HOXC5: variants seen among roughly 807,000 people sequenced by gnomAD.
The protein encoded by HOXC5 is homeobox protein Hox-C5.
A neutral mutation model predicts 20.1 loss-of-function variants in HOXC5; 19 were observed. That is an observed-to-expected ratio of 0.94 (90% CI 0.66 to 1.38). The LOEUF is 1.38. HOXC5 is among the 40% of genes most tolerant of loss of function. The probability of loss-of-function intolerance (pLI) is 0.00; values close to 1 mark genes in which losing one functional copy is unlikely to be tolerated. For missense variants in HOXC5, 330 were observed against 300.1 expected, an observed-to-expected ratio of 1.10 and a Z score of -0.74; for synonymous variants, 124 against 117.0, an observed-to-expected ratio of 1.06 and a Z score of -0.39.
upstream of HOXC5, among the ~76,000 whole-genome samples, chr12:54,031,890 TG>T (rs1190125105): frequency 6.6e-6 from 1 of 152,180 alleles, no homozygotes; most frequent in East Asian, 1.9e-4. Context: ...CCATTCCTCT[TG>T]GTAGCTCAGA....
At chr12:54,029,881 C>A, upstream of HOXC5, 4 of 1,611,678 alleles carry the variant, frequency 2.5e-6, no homozygotes, top group Non-Finnish European at 3.4e-6. Context: ...TCTCGGGGGG[C>A]GGCGGAGGGG....
At chr12:54,031,436 G>A (rs896282990), upstream of HOXC5, among the ~76,000 whole-genome samples, 11 of 152,226 alleles carry the variant, frequency 7.2e-5, no homozygotes, top group African/African-American at 2.7e-4. Context: ...TGGTACTCCT[G>A]ACGTGGCCGG....
rs1352181159 is a variant in HOXC5, at chr12:54,033,471, G to A, written c.349G>A (p.Glu117Lys). 1.9e-6 allele frequency: 3 copies of A among 1,597,308 alleles called. No individual in the cohort carries two copies. The highest frequency in any genetic ancestry group is 2.2e-5 in the South Asian group (2 of 89,548). The change falls in exon 1 of 2, where the codon GAG becomes AAG. Residue 117 changes from glutamate to lysine, a missense_variant. By Grantham distance (56) the Glu-to-Lys change is moderately conservative (BLOSUM62 1). Transcript: ENST00000312492. Reference sequence around the variant, plus strand: ...GGAGGAGCGAGCTAAGAGCAGTGGGGAGATCAAAGAGGAGCAGGCGCAGAC... The same window carrying A: ...GGAGGAGCGAGCTAAGAGCAGTGGGAAGATCAAAGAGGAGCAGGCGCAGAC... ...ALEERAKSSG[E>K]IKEEQAQTGQ...
rs767230924 is a variant in HOXC5 at position 54,033,575 on chromosome 12, C to T, written c.453C>T (p.His151=). 1.3e-5 allele frequency: 21 copies of T among 1,573,830 alleles called. No individual in the cohort carries two copies. Among genetic ancestry groups the T allele is most frequent in the Non-Finnish European group, 1.8e-5 (21 of 1,163,874 alleles). ...GGATGACCAAACTGCACATGAGCCA[C>T]GGTAAACTTTAGGACTTCATTTTGC... ...YPWMTKLHMS[H]ETDGKRSRTS... Residue 151 remains histidine, a splice_region_variant and synonymous_variant, in exon 1 of 2, where the codon CAC becomes CAT. Coordinates refer to ENST00000312492, the MANE Select transcript of HOXC5 (RefSeq NM_018953.4).
the HOXC5 span, among the ~76,000 whole-genome samples, chr12:54,018,685 A>G: frequency 6.6e-6 from 1 of 152,160 alleles, no homozygotes; most frequent in African/African-American, 2.4e-5. Flanking sequence ...AGGCGGCCCC[A>G]TAAGTGTGAA....
upstream of HOXC5, among the ~76,000 whole-genome samples, chr12:54,031,724 G>A (rs1374061232): frequency 6.6e-6 from 1 of 152,196 alleles, no homozygotes; most frequent in Non-Finnish European, 1.5e-5. Context: ...CCAGTGAGGA[G>A]GGGGCCTTCT....
At chr12:54,018,938 C>T in the HOXC5 span, among the ~76,000 whole-genome samples, 2 of 152,088 alleles carry the variant, frequency 1.3e-5, no homozygotes, top group Admixed American at 6.5e-5. Flanking sequence ...CCTGACCCGT[C>T]GCCTGTGGGG....
the HOXC5 span, among the ~76,000 whole-genome samples, chr12:54,023,977 T>C: frequency 6.6e-6 from 1 of 152,220 alleles, no homozygotes; most frequent in Non-Finnish European, 1.5e-5. Context: ...AAGGAGCTTA[T>C]TTATACACAA....
upstream of HOXC5, among the ~76,000 whole-genome samples, chr12:54,029,471 T>A (rs1200895719): frequency 8.3e-6 from 1 of 120,284 alleles, no homozygotes; most frequent in Non-Finnish European, 1.6e-5. Flanking sequence ...ATAGGAGGTC[T>A]GAAGTTGGGG....
At chr12:54,031,444 C>T (rs928489028), upstream of HOXC5, among the ~76,000 whole-genome samples, 7 of 152,150 alleles carry the variant, frequency 4.6e-5, no homozygotes, top group Non-Finnish European at 1.0e-4. Context: ...CTGACGTGGC[C>T]GGGACAAAAT....
chr12:54,026,243 T>A, the HOXC5 span, among the ~76,000 whole-genome samples: 30 of 152,218 alleles, frequency 2.0e-4, no homozygotes, highest in African/African-American at 5.8e-4. Context: ...GTGCACTGAC[T>A]TGTTCCCTAG....
In HOXC5 at chr12:54,034,722, G is replaced by T. The variant is rs556886367; in HGVS notation, c.*230G>T. 387 of 534,542 alleles carry T rather than the reference G, an allele frequency of 7.2e-4. 1 individual carries two copies. Among genetic ancestry groups the T allele is most frequent in the Non-Finnish European group, 1.2e-3 (356 of 296,644 alleles). The allele number at this position is 534,542 out of a possible 1,614,324, so 33.1% of individuals were successfully genotyped here. A position where few individuals can be genotyped will look rare whatever the true frequency, so the allele number is the denominator to read the frequency against. On this transcript the variant is annotated 3_prime_UTR_variant, in exon 2 of 2. Coordinates refer to ENST00000312492, the MANE Select transcript of HOXC5 (RefSeq NM_018953.4). The stretch of plus-strand genomic sequence containing the variant: ...TCTCCCCTCAGCTCGGCTCAGCTCG[G>T]TACCCGGGGCCCAGGGCAAGCTCCG...
Position 54,034,571 on chromosome 12 carries a change from A to G in HOXC5, c.*79A>G. 1 of 1,247,298 alleles carries G rather than the reference A, an allele frequency of 8.0e-7. No individual in the cohort carries two copies. Among genetic ancestry groups the G allele is most frequent in the Non-Finnish European group, 1.1e-6 (1 of 875,760 alleles). 77.3% of individuals were successfully genotyped at this position (1,247,298 alleles called of 1,614,324 possible). A position where few individuals can be genotyped will look rare whatever the true frequency, so the allele number is the denominator to read the frequency against. On this transcript the variant is annotated 3_prime_UTR_variant, in exon 2 of 2. Transcript: ENST00000312492. ...CCTTTCCTTTTCGCCTTTCCTCTCT[A>G]TATTTCGGGTCGGGGGCAGGTGCTG...
upstream of HOXC5, chr12:54,029,967 G>A (rs1218847927): frequency 1.9e-6 from 3 of 1,538,792 alleles, no homozygotes; most frequent in East Asian, 6.9e-5. Flanking sequence ...GAGTGACCAG[G>A]ACTGTCCCTG....
At chr12:54,028,386 G>A (rs1940823623), upstream of HOXC5, 2 of 943,042 alleles carry the variant, frequency 2.1e-6, no homozygotes, top group Admixed American at 2.9e-5. Flanking sequence ...CGATTGGCTG[G>A]GAGGGGGTCA....
At chr12:54,029,518 A>C, upstream of HOXC5, 1 of 805,046 alleles carries the variant, frequency 1.2e-6, no homozygotes, top group Non-Finnish European at 1.9e-6. Flanking sequence ...GGGCAAGGCA[A>C]AAGGGAGAAG....
rs756614653 is a variant in HOXC5 at position 54,033,929 on chromosome 12, G to C, written c.455-349G>C. The C allele has an allele frequency of 2.4e-5, 11 of 467,192 alleles. No homozygotes were observed. The East Asian group carries it at 5.4e-4, about 23-fold the overall frequency. 28.9% of individuals were successfully genotyped at this position (467,192 alleles called of 1,614,324 possible). A position where few individuals can be genotyped will look rare whatever the true frequency, so the allele number is the denominator to read the frequency against. On this transcript the variant is annotated intron_variant, in intron 1 of 1. Coordinates refer to ENST00000312492, the MANE Select transcript of HOXC5 (RefSeq NM_018953.4). ...CGGAGCCGGCTCCGCCGGCGCTTGC[G>C]GCTCCGGAGGATTCCAGCGACTCGG...
Position 54,034,758 on chromosome 12 carries a change from C to T in HOXC5, c.*266C>T, listed in dbSNP as rs762775385. On this transcript the variant is annotated 3_prime_UTR_variant, in exon 2 of 2. Transcript: ENST00000312492. ...CCAGGGCAAGCTCCGCAGGACTTCC[C>T]CGGAGGGCTGCGGCGTACAGGCTGG... 3.0e-4 allele frequency: 142 copies of T among 470,306 alleles called. 1 individual carries two copies. In the East Asian group the frequency reaches 5.2e-3, roughly 17 times the overall value. The allele number at this position is 470,306 out of a possible 1,614,324, so 29.1% of individuals were successfully genotyped here.
At chr12:54,019,451 G>A in the HOXC5 span, among the ~76,000 whole-genome samples, 1 of 152,154 alleles carries the variant, frequency 6.6e-6, no homozygotes, top group African/African-American at 2.4e-5. Context: ...GGCCCGAGAG[G>A]CCCGAAAAAG....
Sources: allele counts gnomAD v4.1 joint callset (sites outside exome capture counted in the v4.1 genomes callset), GRCh38; gene constraint gnomAD v4.1.1; transcripts MANE v1.5; gene names NCBI Gene and HGNC (gene_info 2026-07-23, HGNC 2026-07-21).